PACC1: variants seen among roughly 807,000 people sequenced by gnomAD.
The protein encoded by PACC1 is proton-activated chloride channel.
A neutral mutation model predicts 39.7 loss-of-function variants in PACC1; 34 were observed. The observed-to-expected ratio is 0.86, with a 90% CI of 0.65 to 1.14. PACC1 has a LOEUF of 1.14. Among genes scored for constraint, PACC1 ranks in the 50% most tolerant of loss-of-function variants. PACC1 has a pLI of 0.00. For synonymous variants in PACC1, 127 were observed against 160.6 expected (o/e 0.79, Z 1.58); for missense variants, 379 against 436.4 (o/e 0.87, Z 1.17).
chr1:212,370,361 C>T (rs1660402459), intron 7 of PACC1, among the ~76,000 whole-genome samples: 2 of 152,036 alleles, frequency 1.3e-5, no homozygotes, highest in Non-Finnish European at 2.9e-5. Context: ...CCCAGCTACT[C>T]GGGAGGCTGA....
At chr1:212,396,546 T>C (rs969838197) in intron 2 of PACC1, among the ~76,000 whole-genome samples, 19 of 151,362 alleles carry the variant, frequency 1.3e-4, no homozygotes, top group African/African-American at 4.1e-4. Context: ...GTAACAAACC[T>C]GCATTGCGCA....
At chr1:212,402,817 G>A (rs952099596) in intron 2 of PACC1, among the ~76,000 whole-genome samples, 2 of 152,142 alleles carry the variant, frequency 1.3e-5, no homozygotes, top group African/African-American at 4.8e-5. Context: ...ACCATGCCTG[G>A]CTAACTTTGC....
At chr1:212,393,106 T>C (rs1276064257) in intron 2 of PACC1, among the ~76,000 whole-genome samples, 2 of 152,104 alleles carry the variant, frequency 1.3e-5, no homozygotes, top group East Asian at 3.9e-4. Flanking sequence ...TCTACAGAAC[T>C]CTCCACCCCA....
At chr1:212,397,962 G>A (rs953088445) in intron 2 of PACC1, among the ~76,000 whole-genome samples, 62 of 152,290 alleles carry the variant, frequency 4.1e-4, no homozygotes, top group African/African-American at 1.3e-3. Flanking sequence ...CATGATCCTA[G>A]ACAAGTTACT....
At chr1:212,377,338 C>A (rs987593726) in intron 6 of PACC1, among the ~76,000 whole-genome samples, 1 of 152,236 alleles carries the variant, frequency 6.6e-6, no homozygotes, top group African/African-American at 2.4e-5. Flanking sequence ...CCCACACATG[C>A]ATTCCGTGAG....
At chr1:212,414,624 C>A (rs1390842278) in intron 1 of PACC1, 98 bp downstream of exon 1, 2 of 1,463,158 alleles carry the variant, frequency 1.4e-6, no homozygotes, top group Non-Finnish European at 1.9e-6. Context: ...GAGCCCTCTG[C>A]CGCGCAGCCC....
intron 1 of PACC1, among the ~76,000 whole-genome samples, chr1:212,412,681 C>T (rs758597317): frequency 1.4e-4 from 22 of 152,204 alleles, no homozygotes; most frequent in Non-Finnish European, 2.6e-4. Flanking sequence ...GCCCTCCAAG[C>T]GGGGTAAGTG....
chr1:212,388,941 G>A (rs1374745008), intron 2 of PACC1, among the ~76,000 whole-genome samples: 2 of 152,138 alleles, frequency 1.3e-5, no homozygotes, highest in East Asian at 3.9e-4. Context: ...AAAGGTATCT[G>A]CTTGGCATCT....
At chr1:212,376,142 T>C (rs554626939) in intron 6 of PACC1, among the ~76,000 whole-genome samples, 67 of 152,184 alleles carry the variant, frequency 4.4e-4, no homozygotes, top group African/African-American at 1.5e-3. Context: ...AAAGACGCTG[T>C]GTGGTGTAAC....
intron 7 of PACC1, 138 bp downstream of exon 7, chr1:212,375,055 G>A (rs772226924): frequency 1.7e-6 from 1 of 580,290 alleles, no homozygotes; most frequent in East Asian, 2.9e-5. Flanking sequence ...ATGAGGACAG[G>A]TAGGTAGACT....
chr1:212,372,454 A>T (rs570305859), intron 7 of PACC1, among the ~76,000 whole-genome samples: 5 of 152,282 alleles, frequency 3.3e-5, no homozygotes, highest in Admixed American at 3.3e-4. Flanking sequence ...AAGGGTGCCT[A>T]CTTTCATTAT....
At chr1:212,369,742 C>A (rs1002734884) in intron 7 of PACC1, among the ~76,000 whole-genome samples, 4 of 148,598 alleles carry the variant, frequency 2.7e-5, no homozygotes, top group Non-Finnish European at 5.9e-5. Context: ...GATCATGCCA[C>A]TGCACTCCAG....
chr1:212,374,878 T>C (rs1660590990), intron 7 of PACC1, among the ~76,000 whole-genome samples: 1 of 152,196 alleles, frequency 6.6e-6, no homozygotes, highest in African/African-American at 2.4e-5. Context: ...AAGCAGCTAC[T>C]TTGCACTAAG....
At chr1:212,376,930 T>C (rs1336288952) in intron 6 of PACC1, 1 of 152,256 alleles carries the variant, frequency 6.6e-6, no homozygotes, top group African/African-American at 2.4e-5. Context: ...TATTTATTTT[T>C]ATCTCATCCT....
intron 7 of PACC1, among the ~76,000 whole-genome samples, chr1:212,371,569 C>A (rs1415794030): frequency 6.6e-6 from 1 of 151,732 alleles, no homozygotes. Flanking sequence ...AAAAGCCCAG[C>A]ACCTGATGGC....
intron 7 of PACC1, 105 bp from the exon 8 acceptor site, chr1:212,365,481 G>C: frequency 1.6e-6 from 2 of 1,220,930 alleles, no homozygotes; most frequent in Non-Finnish European, 2.2e-6. Flanking sequence ...ACCCAGGCTT[G>C]TGTGCGTGGC....
chr1:212,392,635 A>T (rs1237733689), intron 2 of PACC1, among the ~76,000 whole-genome samples: 1 of 152,212 alleles, frequency 6.6e-6, no homozygotes, highest in Non-Finnish European at 1.5e-5. Context: ...CAATTAAAAG[A>T]CAGACTGGCA....
chr1:212,381,198 T>C (rs1181048730), intron 4 of PACC1, among the ~76,000 whole-genome samples: 2 of 152,246 alleles, frequency 1.3e-5, no homozygotes, highest in African/African-American at 4.8e-5. Context: ...GGGTTTTGCT[T>C]AAAATATATA....
chr1:212,402,860 G>A (rs1322467944), intron 2 of PACC1, among the ~76,000 whole-genome samples: 1 of 152,088 alleles, frequency 6.6e-6, no homozygotes, highest in Non-Finnish European at 1.5e-5. Flanking sequence ...CACTATGTTG[G>A]TCAGGCTGGT....
Sources: allele counts gnomAD v4.1 joint callset (sites outside exome capture counted in the v4.1 genomes callset), GRCh38; gene constraint gnomAD v4.1.1; transcripts MANE v1.5; gene names NCBI Gene and HGNC (gene_info 2026-07-23, HGNC 2026-07-21).